The following GK variants were observed in gnomAD, a reference collection of about 807,000 sequenced individuals.
GK encodes the protein ATP:glycerol 3-phosphotransferase.
Under a neutral mutation model 56.4 loss-of-function variants are expected in GK, and 9 were observed. The observed-to-expected ratio is 0.16, with a 90% confidence interval of 0.10 to 0.28. The LOEUF is 0.28. GK is among the 10% of genes least tolerant of loss of function. GK has a pLI of 1.00. For missense variants in GK, 161 were observed against 431.4 expected (o/e 0.37, Z 5.55); for synonymous variants, 104 against 144.1 (o/e 0.72, Z 1.99).
rs191649234 is a variant in GK at position 30,722,789 on chromosome X, G to C, written c.1502-1312G>C. The stretch of plus-strand genomic sequence containing the variant: ...TCCTGGGGTGTGTGTGAAGAGAGAG[G>C]GGGGGATAGAAATGGGGCACTGGAA... On this transcript the variant is annotated intron_variant, in intron 18 of 20. Coordinates refer to ENST00000427190, the MANE Select transcript of GK (RefSeq NM_001205019.2). Among the ~76,000 whole-genome samples, 44 of 110,799 alleles carry C rather than the reference G, an allele frequency of 4.0e-4. No individual in the cohort carries two copies. The East Asian group carries it at 6.3e-3, about 16-fold the overall frequency.
At position 30,707,540 on chromosome X, in the gene GK, C is replaced by A; in HGVS notation, c.852-16C>A. The A allele has an allele frequency of 9.7e-7, 1 of 1,029,769 alleles. No homozygotes were observed. Among genetic ancestry groups the A allele is most frequent in the Non-Finnish European group, 1.4e-6 (1 of 732,884 alleles). The allele number at this position is 1,029,769 out of a possible 1,213,427, so 84.9% of individuals were successfully genotyped here. ...CAATAAAATTGTCTTACTATTCATT[C>A]TCCCTTCAACCATAGGTATGGAACA... is the stretch of plus-strand genomic sequence containing the variant. On this transcript the variant is annotated splice_polypyrimidine_tract_variant and intron_variant, in intron 11 of 20. Coordinates refer to ENST00000427190, the MANE Select transcript of GK (RefSeq NM_001205019.2).
At chrX:30,710,302 GTGT>G (rs1444376983) in intron 13 of GK, among the ~76,000 whole-genome samples, 1 of 111,692 alleles carries the variant, frequency 9.0e-6, no homozygotes, top group African/African-American at 3.3e-5. Context: ...CCCAAGTCCA[GTGT>G]TGTTGTCACT....
At chrX:30,697,133 G>A (rs1016991763) in intron 8 of GK, among the ~76,000 whole-genome samples, 2 of 112,597 alleles carry the variant, frequency 1.8e-5, no homozygotes, top group African/African-American at 3.2e-5. Context: ...CAAAGAGTCT[G>A]TTTCTGATTT....
chrX:30,728,234 A>T (rs1937224016), intron 20 of GK, among the ~76,000 whole-genome samples: 1 of 111,440 alleles, frequency 9.0e-6, no homozygotes, highest in African/African-American at 3.3e-5. Flanking sequence ...TATAATAGCC[A>T]TTTGTGGAAG....
At chrX:30,658,010 T>G (rs1932428299) in intron 1 of GK, among the ~76,000 whole-genome samples, 1 of 112,186 alleles carries the variant, frequency 8.9e-6, no homozygotes, top group Admixed American at 9.5e-5. Context: ...GGCTCAGGTG[T>G]GTCACTGTGG....
At chrX:30,664,750 C>T (rs1932962796) in intron 1 of GK, among the ~76,000 whole-genome samples, 1 of 86,280 alleles carries the variant, frequency 1.2e-5, no homozygotes, top group South Asian at 6.8e-4. Flanking sequence ...TCTTGTCGCT[C>T]AGGGTGGAGC....
chrX:30,666,211 T>C (rs1933070768), intron 2 of GK, among the ~76,000 whole-genome samples: 1 of 111,846 alleles, frequency 8.9e-6, no homozygotes, highest in African/African-American at 3.2e-5. Flanking sequence ...ATAGCTACTT[T>C]ATTAAAAGTC....
chrX:30,671,285 C>A (rs1347821144), intron 3 of GK, among the ~76,000 whole-genome samples: 15 of 86,910 alleles, frequency 1.7e-4, no homozygotes, highest in Non-Finnish European at 3.3e-4. Flanking sequence ...GAGCGAAACT[C>A]CATCTCAAAA....
chrX:30,673,095 A>G (rs1016142526), intron 3 of GK, among the ~76,000 whole-genome samples: 1 of 112,099 alleles, frequency 8.9e-6, no homozygotes, highest in Non-Finnish European at 1.9e-5. Context: ...CTTCACGGAA[A>G]ATTTTAAGAA....
intron 11 of GK, among the ~76,000 whole-genome samples, chrX:30,703,016 T>A (rs933479965): frequency 1.9e-4 from 21 of 111,936 alleles, no homozygotes; most frequent in Non-Finnish European, 1.9e-5. Context: ...TCCAGGCAGC[T>A]GGAATCAAGT....
At chrX:30,697,924 CTTG>C (rs1935328310) in intron 9 of GK, among the ~76,000 whole-genome samples, 175 bp downstream of exon 9, 1 of 111,339 alleles carries the variant, frequency 9.0e-6, no homozygotes, top group South Asian at 3.7e-4. Flanking sequence ...AAAACTTAAT[CTTG>C]TTTGTTTTTA....
chrX:30,708,400 GTT>G (rs774814461), intron 13 of GK, among the ~76,000 whole-genome samples: 7 of 99,884 alleles, frequency 7.0e-5, no homozygotes, highest in Admixed American at 1.1e-4. Flanking sequence ...ACAATGTAAG[GTT>G]TTTTTTTTTT....
chrX:30,695,184 T>C, intron 6 of GK: 1 of 912,174 alleles, frequency 1.1e-6, no homozygotes, highest in Non-Finnish European at 1.4e-6. Context: ...AAGGAAATAT[T>C]GTCCCCACTC....
rs1182463506 is a variant in GK, at chrX:30,653,693, C to G, written c.78+78C>G. ...GACGGAGGGGGTGGCTGTTGTGTCC[C>G]CATCCCGCATCTCTCCGGCCCGGTG... On this transcript the variant is annotated intron_variant, in intron 1 of 20. Coordinates refer to ENST00000427190, the MANE Select transcript of GK (RefSeq NM_001205019.2). 4 of 915,383 alleles carry G rather than the reference C, an allele frequency of 4.4e-6. No individual in the cohort carries two copies. The East Asian group carries it at 1.2e-4, about 28-fold the overall frequency. The allele number at this position is 915,383 out of a possible 1,213,427, so 75.4% of individuals were successfully genotyped here. A position where few individuals can be genotyped will look rare whatever the true frequency, so the allele number is the denominator to read the frequency against.
intron 18 of GK, among the ~76,000 whole-genome samples, chrX:30,722,936 A>G (rs1442721962): frequency 9.0e-6 from 1 of 111,390 alleles, no homozygotes; most frequent in Admixed American, 9.5e-5. Flanking sequence ...CACCCTTAGA[A>G]GTGTACAACA....
At chrX:30,660,070 A>G (rs1198706517) in intron 1 of GK, among the ~76,000 whole-genome samples, 1 of 111,425 alleles carries the variant, frequency 9.0e-6, no homozygotes, top group Non-Finnish European at 1.9e-5. Context: ...TATAAAAACA[A>G]TTTTCCTTGT....
chrX:30,687,092 A>G (rs1934662807), intron 4 of GK, among the ~76,000 whole-genome samples: 1 of 110,967 alleles, frequency 9.0e-6, no homozygotes, highest in Non-Finnish European at 1.9e-5. Flanking sequence ...TTCATGTCTT[A>G]ATGTAGATGG....
At chrX:30,711,805 G>A (rs1173948205) in intron 13 of GK, among the ~76,000 whole-genome samples, 2 of 111,521 alleles carry the variant, frequency 1.8e-5, no homozygotes, top group African/African-American at 6.5e-5. Context: ...AAAGGCTCAT[G>A]TAACTTGTTC....
intron 1 of GK, among the ~76,000 whole-genome samples, chrX:30,662,225 T>C (rs1036838674): frequency 1.8e-5 from 2 of 112,824 alleles, no homozygotes; most frequent in African/African-American, 6.4e-5. Flanking sequence ...AAACAATAGT[T>C]TATAGATATA....
Sources: allele counts gnomAD v4.1 joint callset (sites outside exome capture counted in the v4.1 genomes callset), GRCh38; gene constraint gnomAD v4.1.1; transcripts MANE v1.5; gene names NCBI Gene and HGNC (gene_info 2026-07-23, HGNC 2026-07-21).